The following ZMYM2 variants were observed in gnomAD, a reference collection of about 807,000 sequenced individuals.
ZMYM2 encodes zinc finger MYM-type protein 2.
ZMYM2 carries 56 observed loss-of-function variants against 162.8 expected under a neutral mutation model. That is an observed-to-expected ratio of 0.34 (90% CI 0.28 to 0.43). ZMYM2 has a LOEUF of 0.43. ZMYM2 is among the 20% of genes least tolerant of loss of function. The pLI, the probability that ZMYM2 is intolerant of heterozygous loss-of-function variation, is 1.00. For synonymous variants in ZMYM2, 510 were observed against 541.6 expected, an observed-to-expected ratio of 0.94 and a Z score of 0.81; for missense variants, 1,275 against 1,621.8, an observed-to-expected ratio of 0.79 and a Z score of 3.67.
chr13:19,983,119 T>G (rs1957495292), intron 2 of ZMYM2, among the ~76,000 whole-genome samples: 1 of 152,058 alleles, frequency 6.6e-6, no homozygotes. Context: ...AATTGTATAA[T>G]TTGTATATAA....
At chr13:20,021,059 T>G (rs1367396150) in intron 7 of ZMYM2, among the ~76,000 whole-genome samples, 1 of 151,836 alleles carries the variant, frequency 6.6e-6, no homozygotes, top group Non-Finnish European at 1.5e-5. Context: ...CACTGCAAGC[T>G]CTGCCTTCCA....
chr13:19,995,377 AT>A (rs1949942276), intron 3 of ZMYM2, among the ~76,000 whole-genome samples: 2 of 152,040 alleles, frequency 1.3e-5, no homozygotes, highest in South Asian at 4.1e-4. Context: ...AATTATTTTT[AT>A]TTTTCAAGGG....
intron 3 of ZMYM2, among the ~76,000 whole-genome samples, 198 bp from the exon 4 acceptor site, chr13:20,002,652 A>G (rs1177616650): frequency 2.0e-5 from 3 of 152,140 alleles, no homozygotes; most frequent in African/African-American, 4.8e-5. Context: ...AATGTTAACT[A>G]TTTTAAAGAA....
At chr13:19,964,824 G>GT (rs1012494395) in intron 2 of ZMYM2, among the ~76,000 whole-genome samples, 12 of 151,680 alleles carry the variant, frequency 7.9e-5, no homozygotes, top group African/African-American at 1.9e-4. Flanking sequence ...CCATAAAAAT[G>GT]TTTTTTTATA....
the ZMYM2 span, among the ~76,000 whole-genome samples, chr13:19,897,050 G>T: frequency 6.1e-5 from 9 of 147,726 alleles, no homozygotes; most frequent in African/African-American, 2.3e-4. Context: ...TCCAGCCTGG[G>T]CAACAGAGAG....
chr13:19,882,197 C>A, the ZMYM2 span, among the ~76,000 whole-genome samples: 1 of 152,054 alleles, frequency 6.6e-6, no homozygotes, highest in Admixed American at 6.6e-5. Context: ...ATATTAAAAA[C>A]TTTTGTGCAT....
intron 2 of ZMYM2, among the ~76,000 whole-genome samples, chr13:19,975,552 T>C (rs1433813570): frequency 6.6e-6 from 1 of 152,254 alleles, no homozygotes; most frequent in Admixed American, 6.5e-5. Flanking sequence ...TTACCAACAT[T>C]TTATTTAGCC....
chr13:20,065,832 ACT>A (rs1956632480), intron 19 of ZMYM2, among the ~76,000 whole-genome samples: 1 of 151,868 alleles, frequency 6.6e-6, no homozygotes, highest in African/African-American at 2.4e-5. Context: ...TGATTACAAA[ACT>A]CTAGCATGGG....
the ZMYM2 span, among the ~76,000 whole-genome samples, chr13:19,870,535 TTCTC>T: frequency 1.2e-5 from 1 of 82,504 alleles, no homozygotes; most frequent in Non-Finnish European, 2.6e-5. Context: ...CTTTCTTTCT[TTCTC>T]TTTCTTTCTT....
chr13:20,068,959 G>C (rs1252311218), intron 21 of ZMYM2, among the ~76,000 whole-genome samples: 1 of 151,954 alleles, frequency 6.6e-6, no homozygotes, highest in Non-Finnish European at 1.5e-5. Flanking sequence ...AACATATTTA[G>C]ATAATAAAAC....
intron 12 of ZMYM2, among the ~76,000 whole-genome samples, chr13:20,046,821 G>GT (rs905064277): frequency 1.9e-4 from 29 of 151,666 alleles, no homozygotes; most frequent in African/African-American, 7.0e-4. Context: ...ACCTTGCTAT[G>GT]TTTTTTAAAA....
intron 2 of ZMYM2, among the ~76,000 whole-genome samples, chr13:19,972,455 A>C (rs1202709987): frequency 6.6e-6 from 1 of 152,018 alleles, no homozygotes; most frequent in Non-Finnish European, 1.5e-5. Context: ...TAGTATAAAT[A>C]TCTTTTTGCA....
At chr13:19,885,890 TGTGTATACAC>T in the ZMYM2 span, among the ~76,000 whole-genome samples, 6 of 118,638 alleles carry the variant, frequency 5.1e-5, 1 homozygote, top group African/African-American at 2.2e-4. Flanking sequence ...CACATATATA[TGTGTATACAC>T]ATATATATGT....
At chr13:19,903,722 C>T in the ZMYM2 span, among the ~76,000 whole-genome samples, 1 of 151,168 alleles carries the variant, frequency 6.6e-6, no homozygotes, top group East Asian at 2.0e-4. Flanking sequence ...ATGGCTTGCT[C>T]CTGTGGTTCC....
intron 7 of ZMYM2, among the ~76,000 whole-genome samples, chr13:20,021,227 G>T (rs1467549830): frequency 6.6e-6 from 1 of 151,852 alleles, no homozygotes; most frequent in African/African-American, 2.4e-5. Context: ...CGCCTGCCTC[G>T]GCCTCCCAAA....
chr13:19,937,602 A>G, the ZMYM2 span, among the ~76,000 whole-genome samples: 2 of 146,748 alleles, frequency 1.4e-5, no homozygotes, highest in African/African-American at 5.0e-5. Context: ...TTTTAGAAAT[A>G]TGGAATATTT....
chr13:20,056,979 G>A (rs1955845908), intron 14 of ZMYM2, among the ~76,000 whole-genome samples: 1 of 152,180 alleles, frequency 6.6e-6, no homozygotes, highest in Admixed American at 6.5e-5. Context: ...AGGCACAAGA[G>A]CCAGTTCTAC....
chr13:19,914,340 G>A, the ZMYM2 span, among the ~76,000 whole-genome samples: 1 of 152,224 alleles, frequency 6.6e-6, no homozygotes. Context: ...TCAAGCTACT[G>A]CTGTTGTTGT....
the ZMYM2 span, among the ~76,000 whole-genome samples, chr13:19,926,748 A>C: frequency 6.6e-6 from 1 of 152,124 alleles, no homozygotes; most frequent in African/African-American, 2.4e-5. Flanking sequence ...GCTCACTGCA[A>C]TCTCTGCCTC....
Sources: gnomAD v4.1 joint callset for allele counts (sites outside exome capture counted in the v4.1 genomes callset) on GRCh38, gnomAD v4.1.1 for gene constraint, MANE v1.5 for transcripts, NCBI Gene and HGNC (gene_info 2026-07-23, HGNC 2026-07-21) for gene names.